GALNT17: variants seen among roughly 807,000 people sequenced by gnomAD.
GALNT17 encodes the protein polypeptide N-acetylgalactosaminyltransferase 17.
Under a neutral mutation model 63.7 loss-of-function variants are expected in GALNT17, and 29 were observed. That is an observed-to-expected ratio of 0.46 (90% CI 0.34 to 0.62). GALNT17 has a LOEUF of 0.62. Ranked by LOEUF, GALNT17 falls within the 20% of genes least tolerant of loss-of-function variation. GALNT17 has a pLI of 0.01. For synonymous variants in GALNT17, 305 were observed against 318.3 expected, an observed-to-expected ratio of 0.96 and a Z score of 0.45; for missense variants, 603 against 799.6, an observed-to-expected ratio of 0.75 and a Z score of 2.97.
chr7:71,520,885 G>T (rs1788519736), intron 5 of GALNT17, among the ~76,000 whole-genome samples: 2 of 152,116 alleles, frequency 1.3e-5, no homozygotes, highest in African/African-American at 4.8e-5. Context: ...GTAACCAGGG[G>T]CTAAACTTGG....
chr7:71,614,738 AGTG>A (rs1349841627), intron 6 of GALNT17, among the ~76,000 whole-genome samples: 1 of 151,600 alleles, frequency 6.6e-6, no homozygotes, highest in East Asian at 1.9e-4. Context: ...AAGAAAAAGA[AGTG>A]GAGAGAGCGA....
chr7:71,445,379 T>G (rs1040140944), intron 5 of GALNT17, among the ~76,000 whole-genome samples: 1 of 150,492 alleles, frequency 6.6e-6, no homozygotes, highest in African/African-American at 2.4e-5. Flanking sequence ...TTTTTTTAAG[T>G]GTAGATGGGG....
At position 71,632,421 on chromosome 7, in the gene GALNT17, C is replaced by G. The variant is rs148514690; in HGVS notation, c.1081-32990C>G. 5.0e-3 allele frequency among the ~76,000 whole-genome samples: 755 copies of G among 152,262 alleles called. 14 individuals carry two copies. The highest frequency in any genetic ancestry group is 0.017 in the African/African-American group (725 of 41,552). On this transcript the variant is annotated intron_variant, in intron 6 of 10. Coordinates refer to ENST00000333538, the MANE Select transcript of GALNT17 (RefSeq NM_022479.3). Reference sequence around the variant, plus strand: ...TATTACACAAGATCCAGCCCTAGCCCTCAAAGAAAGGAGAAGGCAGTAGGT... The same window carrying G: ...TATTACACAAGATCCAGCCCTAGCCGTCAAAGAAAGGAGAAGGCAGTAGGT...
intron 5 of GALNT17, 113 bp downstream of exon 5, chr7:71,421,218 C>T (rs756483138): frequency 6.2e-5 from 70 of 1,127,340 alleles, no homozygotes; most frequent in Non-Finnish European, 8.6e-5. Flanking sequence ...TGTGTGCACA[C>T]AGCTCTCCAG....
intron 5 of GALNT17, among the ~76,000 whole-genome samples, chr7:71,421,810 C>T (rs559815382): frequency 3.9e-5 from 6 of 152,076 alleles, no homozygotes; most frequent in East Asian, 1.9e-4. Context: ...ATTAGATGGG[C>T]GTGGTGGCAG....
chr7:71,383,842 C>A (rs572504947), intron 2 of GALNT17, among the ~76,000 whole-genome samples: 88 of 152,260 alleles, frequency 5.8e-4, no homozygotes, highest in South Asian at 2.5e-3. Context: ...ACTACATTTT[C>A]TTGATTCATT....
intron 5 of GALNT17, among the ~76,000 whole-genome samples, chr7:71,552,509 C>T (rs1276443381): frequency 2.0e-5 from 3 of 149,984 alleles, no homozygotes; most frequent in South Asian, 2.1e-4. Flanking sequence ...GGTGTAATCT[C>T]GGCTCATTAC....
intron 1 of GALNT17, among the ~76,000 whole-genome samples, chr7:71,315,240 T>C (rs1438276407): frequency 6.6e-6 from 1 of 152,246 alleles, no homozygotes; most frequent in African/African-American, 2.4e-5. Context: ...TTCCATTGTA[T>C]GGATACACCA....
intron 1 of GALNT17, among the ~76,000 whole-genome samples, chr7:71,164,339 G>A (rs957270004): frequency 6.6e-6 from 1 of 152,236 alleles, no homozygotes; most frequent in Admixed American, 6.5e-5. Context: ...GCAGGAGACA[G>A]AGAGAAGCAG....
chr7:71,185,700 G>A (rs538172439), intron 1 of GALNT17, among the ~76,000 whole-genome samples: 2 of 151,822 alleles, frequency 1.3e-5, no homozygotes, highest in Admixed American at 1.3e-4. Context: ...GTGGAGACGG[G>A]GTTTCACCGT....
At chr7:71,309,471 C>G (rs1259426573) in intron 1 of GALNT17, among the ~76,000 whole-genome samples, 1 of 152,108 alleles carries the variant, frequency 6.6e-6, no homozygotes, top group South Asian at 2.1e-4. Flanking sequence ...TGCATGCTCC[C>G]TGCCGAGACC....
At chr7:71,384,000 G>A (rs771382624) in intron 2 of GALNT17, among the ~76,000 whole-genome samples, 2 of 152,002 alleles carry the variant, frequency 1.3e-5, no homozygotes, top group African/African-American at 2.4e-5. Flanking sequence ...TACTGTTAAC[G>A]GACCACCCAC....
intron 2 of GALNT17, among the ~76,000 whole-genome samples, chr7:71,358,288 C>T (rs1339207941): frequency 6.6e-6 from 1 of 152,124 alleles, no homozygotes; most frequent in African/African-American, 2.4e-5. Flanking sequence ...CCCAGCTACT[C>T]GGGAGGCTGA....
intron 4 of GALNT17, among the ~76,000 whole-genome samples, chr7:71,418,597 A>T (rs967015640): frequency 1.2e-4 from 18 of 152,142 alleles, no homozygotes; most frequent in African/African-American, 4.3e-4. Context: ...CTCTGATGTG[A>T]CACCGTCATT....
intron 1 of GALNT17, among the ~76,000 whole-genome samples, chr7:71,234,563 C>T (rs147164283): frequency 6.6e-6 from 1 of 152,170 alleles, no homozygotes; most frequent in East Asian, 1.9e-4. Context: ...CGCTCCCGAC[C>T]CATTGCATTT....
At chr7:71,156,637 TC>T in intron 1 of GALNT17, among the ~76,000 whole-genome samples, 1 of 134,732 alleles carries the variant, frequency 7.4e-6, no homozygotes, top group African/African-American at 3.1e-5. Context: ...TTGCCTTCCT[TC>T]CCTTCCCCTC....
intron 6 of GALNT17, among the ~76,000 whole-genome samples, chr7:71,614,936 A>C (rs937112677): frequency 4.0e-5 from 6 of 151,744 alleles, no homozygotes; most frequent in African/African-American, 1.2e-4. Context: ...AAAAAAAACC[A>C]CTTCTGGTCT....
intron 5 of GALNT17, among the ~76,000 whole-genome samples, chr7:71,431,028 G>A: frequency 6.6e-6 from 1 of 152,008 alleles, no homozygotes; most frequent in East Asian, 1.9e-4. Flanking sequence ...GCACTTCAGG[G>A]CAATGAAATG....
intron 5 of GALNT17, among the ~76,000 whole-genome samples, chr7:71,552,078 T>C (rs966685152): frequency 6.6e-6 from 1 of 151,892 alleles, no homozygotes. Flanking sequence ...AGGGTGTTGG[T>C]TTGTCACCCA....
Sources: allele counts gnomAD v4.1 joint callset (sites outside exome capture counted in the v4.1 genomes callset), GRCh38; gene constraint gnomAD v4.1.1; transcripts MANE v1.5; gene names NCBI Gene and HGNC (gene_info 2026-07-23, HGNC 2026-07-21).